The following GPR143 variants were observed in gnomAD, a reference collection of about 807,000 sequenced individuals.
GPR143 encodes G-protein coupled receptor 143.
A neutral mutation model predicts 27.6 loss-of-function variants in GPR143; 8 were observed. That is an observed-to-expected ratio of 0.29 (90% CI 0.17 to 0.52). The LOEUF (loss-of-function observed/expected upper bound fraction) is 0.52. GPR143 is among the 20% of genes least tolerant of loss of function. The pLI, the probability that GPR143 is intolerant of heterozygous loss-of-function variation, is 0.96. For missense variants in GPR143, 303 were observed against 343.1 expected (o/e 0.88, Z 0.92); for synonymous variants, 156 against 153.2 (o/e 1.02, Z -0.13).
intron 3 of GPR143, among the ~76,000 whole-genome samples, chrX:9,756,621 A>T (rs1480668599): frequency 8.9e-6 from 1 of 112,836 alleles, no homozygotes; most frequent in African/African-American, 3.2e-5. Context: ...ATACATGACC[A>T]ATCAGCACAT....
chrX:9,731,806 G>T (rs753167587), intron 8 of GPR143, among the ~76,000 whole-genome samples: 126 of 98,523 alleles, frequency 1.3e-3, no homozygotes, highest in Non-Finnish European at 1.9e-3. Context: ...TTGGGGGGGG[G>T]GGGAAGGAAT....
chrX:9,765,497 C>T, intron 1 of GPR143, 71 bp downstream of exon 1: 2 of 1,004,439 alleles, frequency 2.0e-6, no homozygotes, highest in South Asian at 2.8e-5. Context: ...AGTCGGGTCT[C>T]AACCTGCGGG....
At chrX:9,750,471 G>T (rs763773575) in intron 3 of GPR143, among the ~76,000 whole-genome samples, 1 of 111,334 alleles carries the variant, frequency 9.0e-6, no homozygotes, top group African/African-American at 3.3e-5. Context: ...GCCTCCCAAA[G>T]TGCTGGGATT....
At chrX:9,725,985 A>C in intron 8 of GPR143, 145 bp from the exon 9 acceptor site, 5 of 940,426 alleles carry the variant, frequency 5.3e-6, no homozygotes, top group African/African-American at 2.1e-5. Flanking sequence ...ATCTGCAAAA[A>C]AAAAAAAAAA....
Position 9,765,651 on chromosome X carries a change from C to G in GPR143, c.167G>C (p.Gly56Ala). 1 of 986,518 alleles carries G rather than the reference C, an allele frequency of 1.0e-6. No individual in the cohort carries two copies. Among genetic ancestry groups the G allele is most frequent in the South Asian group, 3.8e-5 (1 of 26,427 alleles). 81.3% of individuals were successfully genotyped at this position (986,518 alleles called of 1,213,427 possible). Reference protein sequence around the residue: ...LQLLPGRRPAGPGSPATSPPA... With the variant: ...LQLLPGRRPAAPGSPATSPPA... Reference sequence around the variant, plus strand: ...CGGGGACGTCGCGGGGGACCCGGGGCCCGCGGGCCGGCGGCCGGGCAGCAG... The same window carrying G: ...CGGGGACGTCGCGGGGGACCCGGGGGCCGCGGGCCGGCGGCCGGGCAGCAG... Residue 56 changes from glycine (G) to alanine (A), a missense_variant, in exon 1 of 9, where the codon GGC (glycine) becomes GCC (alanine). By Grantham distance (60) the Gly-to-Ala change is moderately conservative. Transcript: ENST00000467482.
At chrX:9,759,710 G>A (rs780741308) in intron 2 of GPR143, among the ~76,000 whole-genome samples, 1 of 112,054 alleles carries the variant, frequency 8.9e-6, no homozygotes, top group Non-Finnish European at 1.9e-5. Context: ...GCAGGCTCAA[G>A]GGGGCTTTGA....
chrX:9,732,313 CAAAG>C (rs1569115222), intron 8 of GPR143, among the ~76,000 whole-genome samples: 1 of 110,708 alleles, frequency 9.0e-6, no homozygotes, highest in Non-Finnish European at 1.9e-5. Context: ...GTGGGAGAAA[CAAAG>C]AAGTATGGGA....
At chrX:9,732,694 C>G (rs2083359878) in intron 8 of GPR143, among the ~76,000 whole-genome samples, 1 of 109,280 alleles carries the variant, frequency 9.2e-6, no homozygotes, top group African/African-American at 3.3e-5. Context: ...GAAACCCCAT[C>G]TCTACTAAAA....
chrX:9,770,323 AAGAGAGAGAGAGAGAGAGAGAG>A (rs201287124), upstream of GPR143, among the ~76,000 whole-genome samples: 1 of 89,001 alleles, frequency 1.1e-5, no homozygotes, highest in Non-Finnish European at 2.1e-5. Flanking sequence ...AAGAAAGAAA[AAGAGAGAGAGAGAGAGAGAGAG>A]AGAGAGAGAG....
chrX:9,734,566 G>A (rs1374534679), intron 8 of GPR143, among the ~76,000 whole-genome samples: 1 of 111,553 alleles, frequency 9.0e-6, no homozygotes, highest in Non-Finnish European at 1.9e-5. Context: ...TCCTAACCAC[G>A]ACCCCTCCAC....
intron 8 of GPR143, among the ~76,000 whole-genome samples, chrX:9,733,745 G>C (rs926665991): frequency 4.5e-5 from 5 of 111,425 alleles, no homozygotes; most frequent in Admixed American, 3.8e-4. Context: ...AATTAGAGTG[G>C]AGAATGGAGA....
chrX:9,733,524 G>A (rs1365225270), intron 8 of GPR143, among the ~76,000 whole-genome samples: 7 of 111,525 alleles, frequency 6.3e-5, no homozygotes, highest in South Asian at 3.7e-4. Context: ...GAAGATTCAC[G>A]GCATTATGAA....
intron 8 of GPR143, 35 bp from the exon 9 acceptor site, chrX:9,725,875 G>A: frequency 8.5e-7 from 1 of 1,178,984 alleles, no homozygotes. Context: ...GACTGTGTCT[G>A]TGTCCTAGCA....
Position 9,725,650 on chromosome X carries a change from C to T in GPR143, c.*96G>A, listed in dbSNP as rs879215835. The T allele has an allele frequency of 6.7e-5, 44 of 660,123 alleles. No homozygotes were observed. The highest frequency in any genetic ancestry group is 3.3e-4 in the South Asian group (14 of 42,126). 54.4% of individuals were successfully genotyped at this position (660,123 alleles called of 1,213,427 possible). A position where few individuals can be genotyped will look rare whatever the true frequency, so the allele number is the denominator to read the frequency against. On this transcript the variant is annotated 3_prime_UTR_variant, in exon 9 of 9. Coordinates refer to ENST00000467482, the MANE Select transcript of GPR143 (RefSeq NM_000273.3). ...GCAAGGTTTGGGGGCCGCTACACTTCGGCAGTGCAGTGTTGGGAAGGTGAG... is the reference window on the plus strand; with the variant it reads ...GCAAGGTTTGGGGGCCGCTACACTTTGGCAGTGCAGTGTTGGGAAGGTGAG...
chrX:9,772,809 G>A (rs1455954607), intron 1 of GPR143, among the ~76,000 whole-genome samples: 12 of 55,854 alleles, frequency 2.1e-4, no homozygotes, highest in Non-Finnish European at 3.7e-4. Context: ...GCAAGATCCT[G>A]TCTCAAAAAA....
At chrX:9,745,806 T>C (rs1229025561) in intron 5 of GPR143, among the ~76,000 whole-genome samples, 2 of 112,175 alleles carry the variant, frequency 1.8e-5, no homozygotes, top group Non-Finnish European at 3.8e-5. Flanking sequence ...AAAAGTCAAC[T>C]AGTCCTGGCA....
chrX:9,734,815 T>G (rs5979165), intron 8 of GPR143, among the ~76,000 whole-genome samples: 29,483 of 110,607 alleles, frequency 0.27, 5,757 homozygotes, highest in African/African-American at 0.69. Flanking sequence ...CTCCACCCAG[T>G]CCCCACCCCT....
At chrX:9,744,853 T>C (rs1263992166) in intron 5 of GPR143, among the ~76,000 whole-genome samples, 1 of 112,322 alleles carries the variant, frequency 8.9e-6, no homozygotes, top group African/African-American at 3.2e-5. Context: ...AACATCTTAG[T>C]GTATTTCTTT....
intron 8 of GPR143, among the ~76,000 whole-genome samples, chrX:9,734,399 T>C (rs935994173): frequency 4.5e-5 from 5 of 110,889 alleles, no homozygotes; most frequent in African/African-American, 1.3e-4. Context: ...GTAGAGAGGA[T>C]TGATGGTCAA....
Sources: allele counts gnomAD v4.1 joint callset (sites outside exome capture counted in the v4.1 genomes callset), GRCh38; gene constraint gnomAD v4.1.1; transcripts MANE v1.5; gene names NCBI Gene and HGNC (gene_info 2026-07-23, HGNC 2026-07-21).